Variants in PIAS1 observed in about 807,000 individuals in gnomAD.
PIAS1 encodes the protein protein inhibitor of activated STAT 1, also known as E3 SUMO-protein ligase PIAS1.
A neutral mutation model predicts 71.3 loss-of-function variants in PIAS1; 6 were observed. The observed-to-expected ratio is 0.08, with a 90% CI of 0.05 to 0.17. PIAS1 has a LOEUF of 0.17. Among genes scored for constraint, PIAS1 ranks in the 10% least tolerant of loss-of-function variants. PIAS1 has a pLI of 1.00. For synonymous variants in PIAS1, 303 were observed against 292.9 expected, an observed-to-expected ratio of 1.03 and a Z score of -0.35; for missense variants, 555 against 793.6, an observed-to-expected ratio of 0.70 and a Z score of 3.61.
chr15:68,113,103 T>G (rs1190861766), intron 2 of PIAS1, among the ~76,000 whole-genome samples: 1 of 152,222 alleles, frequency 6.6e-6, no homozygotes, highest in Non-Finnish European at 1.5e-5. Flanking sequence ...ATTAAAGATA[T>G]GTTTATTAAC....
At chr15:68,101,371 T>TTTCTAGA (rs764022038) in intron 2 of PIAS1, among the ~76,000 whole-genome samples, 120 of 152,104 alleles carry the variant, frequency 7.9e-4, no homozygotes, top group African/African-American at 2.8e-3. Flanking sequence ...TTCAGAGTTC[T>TTTCTAGA]TTCTAGATTC....
chr15:68,054,468 A>C lies in PIAS1; in HGVS notation c.24+118A>C. On this transcript the variant is annotated intron_variant, in intron 1 of 13. Transcript: ENST00000249636. The surrounding 1 kb of genome is among the most constrained non-coding windows in gnomAD (Gnocchi z 4.6). ...CGGGCCTGACTCCACCCGGGCCTGG[A>C]GTTGTAGGGAGAGAGGCGCGCCCGG... 3 of 1,105,950 alleles carry C rather than the reference A, an allele frequency of 2.7e-6. No individual in the cohort carries two copies. Among genetic ancestry groups the C allele is most frequent in the Non-Finnish European group, 3.9e-6 (3 of 765,058 alleles). The allele number at this position is 1,105,950 out of a possible 1,614,324, so 68.5% of individuals were successfully genotyped here.
chr15:68,181,629 T>C (rs2093053857), intron 12 of PIAS1: 1 of 293,540 alleles, frequency 3.4e-6, no homozygotes. Context: ...AAATTGTTTT[T>C]GAATGACTGC....
chr15:68,120,687 C>T (rs2092606456), intron 2 of PIAS1, among the ~76,000 whole-genome samples: 1 of 152,152 alleles, frequency 6.6e-6, no homozygotes, highest in African/African-American at 2.4e-5. Context: ...CAGAGTCTTA[C>T]TGTGTTGCCC....
intron 8 of PIAS1, 62 bp downstream of exon 8, chr15:68,164,866 G>C (rs905214468): frequency 9.3e-6 from 8 of 864,010 alleles, no homozygotes; most frequent in South Asian, 1.6e-5. Context: ...TTTTTATTAA[G>C]TATTTTTACT....
At chr15:68,066,389 G>C (rs1223863302) in intron 1 of PIAS1, among the ~76,000 whole-genome samples, 1 of 152,130 alleles carries the variant, frequency 6.6e-6, no homozygotes, top group Non-Finnish European at 1.5e-5. Context: ...GATTACAGGT[G>C]TGAGCCACCA....
chr15:68,084,885 A>G (rs375133326), intron 1 of PIAS1, among the ~76,000 whole-genome samples: 9 of 152,290 alleles, frequency 5.9e-5, no homozygotes, highest in African/African-American at 2.2e-4. Context: ...GAGAGTAAAG[A>G]TCATCCTACC....
At chr15:68,149,326 CTTTTTT>C (rs562772014) in intron 6 of PIAS1, among the ~76,000 whole-genome samples, 2 of 127,542 alleles carry the variant, frequency 1.6e-5, no homozygotes, top group Non-Finnish European at 3.4e-5. Flanking sequence ...TCCTGCATTA[CTTTTTT>C]TTTTTTTTTT....
intron 1 of PIAS1, among the ~76,000 whole-genome samples, chr15:68,069,652 A>C (rs1177087627): frequency 6.6e-6 from 1 of 152,026 alleles, no homozygotes; most frequent in African/African-American, 2.4e-5. Context: ...AATACAAAAA[A>C]TTAGCCGGGC....
At chr15:68,152,250 G>A (rs1354715093) in intron 6 of PIAS1, among the ~76,000 whole-genome samples, 1 of 151,976 alleles carries the variant, frequency 6.6e-6, no homozygotes, top group Non-Finnish European at 1.5e-5. Context: ...CTCCCGGCTG[G>A]GAAAGTTTTA....
intron 2 of PIAS1, among the ~76,000 whole-genome samples, chr15:68,092,103 G>A (rs2092336328): frequency 6.6e-6 from 1 of 152,150 alleles, no homozygotes; most frequent in African/African-American, 2.4e-5. Context: ...CACATCATAT[G>A]TCTTTATTGA....
intron 2 of PIAS1, among the ~76,000 whole-genome samples, chr15:68,135,085 C>T (rs538351469): frequency 2.1e-5 from 1 of 46,686 alleles, no homozygotes; most frequent in Non-Finnish European, 8.7e-5. Flanking sequence ...GGTGGCTGGC[C>T]GGGCGGGGGG....
Position 68,152,182 on chromosome 15 carries a change from C to T in PIAS1, c.829-1408C>T, listed in dbSNP as rs552147907. Among the ~76,000 whole-genome samples, 24 of 152,008 alleles carry T rather than the reference C, an allele frequency of 1.6e-4. No homozygotes were observed. The East Asian group carries it at 4.5e-3, about 29-fold the overall frequency. Reference sequence around the variant, plus strand: ...GCCAGGATGGTCCCGATCTCCTGACCTCGTGACCTACCCACCTCAGCCTCC... The same window carrying T: ...GCCAGGATGGTCCCGATCTCCTGACTTCGTGACCTACCCACCTCAGCCTCC... On this transcript the variant is annotated intron_variant, in intron 6 of 13. Coordinates refer to ENST00000249636, the MANE Select transcript of PIAS1 (RefSeq NM_016166.3).
chr15:68,115,257 A>G (rs1480431107), intron 2 of PIAS1, among the ~76,000 whole-genome samples: 1 of 152,104 alleles, frequency 6.6e-6, no homozygotes, highest in Non-Finnish European at 1.5e-5. Flanking sequence ...AAGGAGTGTG[A>G]TTGTGGGACT....
chr15:68,190,683 T>C lies in PIAS1; in HGVS notation c.*2848T>C, dbSNP rs2093115170. ...ATATATACATCTGTATGCACACATC[T>C]TTGATAAAATAGCTATTTGACTAGC... On this transcript the variant is annotated 3_prime_UTR_variant, in exon 14 of 14. Coordinates refer to ENST00000249636, the MANE Select transcript of PIAS1 (RefSeq NM_016166.3). This position sits in a 1 kb window ranked among gnomAD's most constrained non-coding sequence, Gnocchi z 4.7. 6.6e-6 allele frequency: 1 copy of C among 152,156 alleles called. No homozygotes were observed. The highest frequency in any genetic ancestry group is 1.5e-5 in the Non-Finnish European group (1 of 68,026). 9.4% of individuals were successfully genotyped at this position (152,156 alleles called of 1,614,324 possible).
chr15:68,151,217 A>T (rs1195611081), intron 6 of PIAS1, among the ~76,000 whole-genome samples: 1 of 152,056 alleles, frequency 6.6e-6, no homozygotes, highest in Non-Finnish European at 1.5e-5. Flanking sequence ...ATATGATGTA[A>T]AAATTTCATT....
intron 11 of PIAS1, among the ~76,000 whole-genome samples, chr15:68,177,406 A>G (rs1203113230): frequency 6.6e-6 from 1 of 152,166 alleles, no homozygotes; most frequent in Non-Finnish European, 1.5e-5. Flanking sequence ...ATTCACCCCA[A>G]GTTGAGTGTT....
chr15:68,066,986 G>T (rs1410430192), intron 1 of PIAS1, among the ~76,000 whole-genome samples: 1 of 152,100 alleles, frequency 6.6e-6, no homozygotes, highest in African/African-American at 2.4e-5. Flanking sequence ...TCTTGTTGAG[G>T]CTACTTACCT....
At chr15:68,130,119 A>C (rs1473375081) in intron 2 of PIAS1, among the ~76,000 whole-genome samples, 1 of 152,120 alleles carries the variant, frequency 6.6e-6, no homozygotes, top group African/African-American at 2.4e-5. Flanking sequence ...CCTGTATCAA[A>C]ATATTTCATA....
Sources: allele counts gnomAD v4.1 joint callset (sites outside exome capture counted in the v4.1 genomes callset), GRCh38; gene constraint gnomAD v4.1.1; non-coding constraint Gnocchi (gnomAD v3.1); transcripts MANE v1.5; gene names NCBI Gene and HGNC (gene_info 2026-07-23, HGNC 2026-07-21).